MVB12B: variants seen among roughly 807,000 people sequenced by gnomAD.
The protein encoded by MVB12B is ESCRT-I complex subunit MVB12B.
Under a neutral mutation model 41.6 loss-of-function variants are expected in MVB12B, and 16 were observed. The ratio of observed to expected loss-of-function variants is 0.38; its 90% CI spans 0.26 to 0.58. MVB12B has a LOEUF of 0.58. Among genes scored for constraint, MVB12B ranks in the 20% least tolerant of loss-of-function variants. The pLI is 0.62. For synonymous variants in MVB12B, 133 were observed against 139.7 expected (o/e 0.95, Z 0.34); for missense variants, 274 against 380.2 (o/e 0.72, Z 2.32).
At chr9:126,418,266 G>A (rs553947762) in intron 6 of MVB12B, among the ~76,000 whole-genome samples, 6 of 152,306 alleles carry the variant, frequency 3.9e-5, no homozygotes, top group East Asian at 1.9e-4. Flanking sequence ...CTGAGGCCCC[G>A]AGGGACAAGA....
intron 6 of MVB12B, among the ~76,000 whole-genome samples, chr9:126,399,596 GGAA>G (rs1318682707): frequency 6.6e-6 from 1 of 152,196 alleles, no homozygotes; most frequent in Non-Finnish European, 1.5e-5. Context: ...GTTTCTGCTG[GGAA>G]GAAGAGGTTC....
At chr9:126,415,838 C>T (rs1337950394) in intron 6 of MVB12B, among the ~76,000 whole-genome samples, 3 of 152,060 alleles carry the variant, frequency 2.0e-5, no homozygotes, top group Non-Finnish European at 4.4e-5. Context: ...GTGGGAAGGG[C>T]GCCACAGGGA....
At chr9:126,378,174 G>A (rs1830533450) in intron 2 of MVB12B, among the ~76,000 whole-genome samples, 1 of 152,230 alleles carries the variant, frequency 6.6e-6, no homozygotes, top group Non-Finnish European at 1.5e-5. Flanking sequence ...GCTGACTGCT[G>A]AGTTTGTAAG....
chr9:126,450,415 C>A (rs989396153), intron 7 of MVB12B, among the ~76,000 whole-genome samples: 1 of 152,230 alleles, frequency 6.6e-6, no homozygotes, highest in African/African-American at 2.4e-5. Flanking sequence ...AAAGTAAACT[C>A]CAATATGTCT....
intron 7 of MVB12B, among the ~76,000 whole-genome samples, chr9:126,460,299 G>A (rs1441713518): frequency 6.6e-6 from 1 of 152,130 alleles, no homozygotes; most frequent in Non-Finnish European, 1.5e-5. Context: ...AGGCACTCGG[G>A]CCTCAGTGTC....
chr9:126,353,823 C>T (rs148832120), intron 2 of MVB12B, among the ~76,000 whole-genome samples: 1 of 152,284 alleles, frequency 6.6e-6, no homozygotes, highest in Non-Finnish European at 1.5e-5. Context: ...CTGTGAAAAG[C>T]AATGCTGATG....
intron 7 of MVB12B, among the ~76,000 whole-genome samples, chr9:126,463,971 A>G (rs188435698): frequency 9.2e-5 from 14 of 152,310 alleles, no homozygotes; most frequent in Admixed American, 8.5e-4. Flanking sequence ...CCGAGTAAGG[A>G]GTGGAATGTC....
intron 7 of MVB12B, among the ~76,000 whole-genome samples, chr9:126,428,332 A>G (rs1396597062): frequency 6.6e-6 from 1 of 152,216 alleles, no homozygotes; most frequent in Non-Finnish European, 1.5e-5. Context: ...CATGATTTAT[A>G]TATTTCATCC....
intron 6 of MVB12B, among the ~76,000 whole-genome samples, chr9:126,414,788 C>T (rs1831761501): frequency 6.6e-6 from 1 of 152,066 alleles, no homozygotes; most frequent in African/African-American, 2.4e-5. Context: ...TCCATAAGTG[C>T]ACCAGCCACC....
intron 7 of MVB12B, among the ~76,000 whole-genome samples, chr9:126,464,734 G>C (rs1319604936): frequency 6.6e-6 from 1 of 152,188 alleles, no homozygotes; most frequent in Non-Finnish European, 1.5e-5. Flanking sequence ...ACATGGCAAG[G>C]TGTTACCCTC....
chr9:126,369,958 G>GT (rs913161694), intron 2 of MVB12B, among the ~76,000 whole-genome samples: 16 of 151,048 alleles, frequency 1.1e-4, no homozygotes, highest in Admixed American at 4.6e-4. Context: ...CAGCCAGCAT[G>GT]TTTTTTTTTC....
At chr9:126,445,184 T>C (rs1007682063) in intron 7 of MVB12B, among the ~76,000 whole-genome samples, 4 of 152,358 alleles carry the variant, frequency 2.6e-5, no homozygotes, top group African/African-American at 9.6e-5. Flanking sequence ...TCCAGAGATA[T>C]AACTCTCTAT....
At chr9:126,447,391 G>A (rs1478144444) in intron 7 of MVB12B, among the ~76,000 whole-genome samples, 1 of 150,642 alleles carries the variant, frequency 6.6e-6, no homozygotes, top group African/African-American at 2.4e-5. Flanking sequence ...TATTGCTTTG[G>A]TGGCATTCTG....
intron 6 of MVB12B, among the ~76,000 whole-genome samples, chr9:126,407,521 G>T (rs1831477351): frequency 6.6e-6 from 1 of 152,148 alleles, no homozygotes; most frequent in Non-Finnish European, 1.5e-5. Flanking sequence ...ATTTAGAACT[G>T]TCGAGTCTTC....
intron 2 of MVB12B, among the ~76,000 whole-genome samples, chr9:126,342,339 T>G (rs748816921): frequency 4.6e-5 from 7 of 152,188 alleles, no homozygotes; most frequent in Non-Finnish European, 8.8e-5. Flanking sequence ...AGCATTCCGT[T>G]TGTACCTTTA....
Position 126,386,694 on chromosome 9 carries a change from C to T in MVB12B, c.409+36C>T, listed in dbSNP as rs377460086. ...CTTTAGTAGCACTCATCACAATGAG[C>T]GTTTTCTTCCTCCAGGTATATTTGT... On this transcript the variant is annotated intron_variant, in intron 4 of 9. Coordinates refer to ENST00000361171, the MANE Select transcript of MVB12B (RefSeq NM_033446.3). The surrounding 1 kb of genome is among the most constrained non-coding windows in gnomAD (Gnocchi z 4.3). 55 of 1,428,510 alleles carry T rather than the reference C, an allele frequency of 3.9e-5. No homozygotes were observed. The highest frequency in any genetic ancestry group is 1.7e-4 in the Middle Eastern group (1 of 5,716). The allele number at this position is 1,428,510 out of a possible 1,614,324, so 88.5% of individuals were successfully genotyped here. A position where few individuals can be genotyped will look rare whatever the true frequency, so the allele number is the denominator to read the frequency against.
chr9:126,406,106 G>T (rs1411847835), intron 6 of MVB12B, among the ~76,000 whole-genome samples: 1 of 151,642 alleles, frequency 6.6e-6, no homozygotes, highest in Non-Finnish European at 1.5e-5. Context: ...GTGTTGAGAA[G>T]ACTGAAGCTT....
At chr9:126,475,208 T>G (rs1234958648) in intron 7 of MVB12B, among the ~76,000 whole-genome samples, 2 of 152,200 alleles carry the variant, frequency 1.3e-5, no homozygotes, top group African/African-American at 4.8e-5. Context: ...TGGTTTTCAC[T>G]CTGTTATCTG....
At position 126,331,742 on chromosome 9, in the gene MVB12B, T is replaced by G. The variant is rs1422894083; in HGVS notation, c.81+4732T>G. The stretch of plus-strand genomic sequence containing the variant: ...TAAGTGTCAGAGCTGGAATTCAAGC[T>G]CGGGTCCCTTGGACTCCAAAGGGGG... On this transcript the variant is annotated intron_variant, in intron 1 of 9. Coordinates refer to ENST00000361171, the MANE Select transcript of MVB12B (RefSeq NM_033446.3). 2.0e-5 allele frequency among the ~76,000 whole-genome samples: 3 copies of G among 152,350 alleles called. No individual in the cohort carries two copies. The South Asian group carries it at 6.2e-4, about 32-fold the overall frequency.
Sources: gnomAD v4.1 joint callset for allele counts (sites outside exome capture counted in the v4.1 genomes callset) on GRCh38, gnomAD v4.1.1 for gene constraint, Gnocchi (gnomAD v3.1) non-coding constraint, MANE v1.5 for transcripts, NCBI Gene and HGNC (gene_info 2026-07-23, HGNC 2026-07-21) for gene names.